DLG2: variants seen among roughly 807,000 people sequenced by gnomAD.
The protein encoded by DLG2 is discs large MAGUK scaffold protein 2.
In DLG2, 45 loss-of-function variants were observed where a neutral mutation model predicts 132.5. The ratio of observed to expected loss-of-function variants is 0.34; its 90% CI spans 0.27 to 0.44. The LOEUF (loss-of-function observed/expected upper bound fraction) is 0.44, where lower values mean the gene tolerates loss of function less well. Ranked by LOEUF, DLG2 falls within the 20% of genes least tolerant of loss-of-function variation. DLG2 has a pLI of 1.00. For missense variants in DLG2, 1,045 were observed against 1,196.9 expected (o/e 0.87, Z 1.87); for synonymous variants, 424 against 419.6 (o/e 1.01, Z -0.13).
intron 9 of DLG2, among the ~76,000 whole-genome samples, chr11:84,159,915 T>G (rs1596350617): frequency 6.6e-6 from 1 of 152,154 alleles, no homozygotes; most frequent in Non-Finnish European, 1.5e-5. Context: ...GCAAGACTTT[T>G]AGATTTTAGA....
rs1411117917 is a variant in DLG2, at chr11:83,972,156, AT to A, written c.1057-6689del. ...TAAATTTACTAGAAATAATATTCAT[AT>A]GTTAAACCTTGCTGTTTCTAGAAAC... On this transcript the variant is annotated intron_variant, in intron 12 of 27. Transcript: ENST00000376104. Among the ~76,000 whole-genome samples the A allele has an allele frequency of 2.0e-5, 3 of 152,176 alleles. No homozygotes were observed. The East Asian group carries it at 5.8e-4, about 29-fold the overall frequency.
intron 2 of DLG2, among the ~76,000 whole-genome samples, chr11:85,619,200 TA>T (rs1447045035): frequency 6.6e-6 from 1 of 152,062 alleles, no homozygotes; most frequent in Non-Finnish European, 1.5e-5. Context: ...TCTTTTAAAA[TA>T]AAAAAGATAT....
Position 83,633,245 on chromosome 11 carries a change from G to A in DLG2, c.1906C>T (p.Leu636=). 6.2e-7 allele frequency: 1 copy of A among 1,613,720 alleles called. No homozygotes were observed. Among genetic ancestry groups the A allele is most frequent in the Non-Finnish European group, 8.5e-7 (1 of 1,179,744 alleles). ...AGGGAGCGTTTCTGATTGGTTCGCA[G>A]GGATCCGGACCCGGAGCTCATGCTG... is the stretch of plus-strand genomic sequence containing the variant. The part of the protein sequence containing the change: ...NHSMSSGSGS[L]RTNQKRSLYV... Residue 636 remains leucine (L), a synonymous_variant, in exon 19 of 28, where the codon CTG becomes TTG. Coordinates refer to ENST00000376104, the MANE Select transcript of DLG2 (RefSeq NM_001142699.3).
chr11:85,453,745 G>C (rs759378985), intron 3 of DLG2: 1 of 152,138 alleles, frequency 6.6e-6, no homozygotes, highest in Non-Finnish European at 1.5e-5. Context: ...CCAGACACAG[G>C]AGTTTCATAC....
intron 6 of DLG2, among the ~76,000 whole-genome samples, chr11:84,728,639 T>G (rs2062787767): frequency 6.6e-6 from 1 of 152,204 alleles, no homozygotes; most frequent in Non-Finnish European, 1.5e-5. Flanking sequence ...CTTTTTCTAT[T>G]GTTTGGAATA....
At chr11:84,245,051 A>G (rs1341343003) in intron 8 of DLG2, among the ~76,000 whole-genome samples, 2 of 152,222 alleles carry the variant, frequency 1.3e-5, no homozygotes, top group East Asian at 3.9e-4. Context: ...TCTTGTCCTC[A>G]GCTTCCTGAT....
intron 2 of DLG2, among the ~76,000 whole-genome samples, chr11:85,608,958 T>C (rs977415918): frequency 1.3e-5 from 2 of 152,160 alleles, no homozygotes; most frequent in African/African-American, 4.8e-5. Context: ...AAGTAAATGA[T>C]AGAATGACAG....
chr11:85,305,357 C>T (rs751074587), intron 3 of DLG2, among the ~76,000 whole-genome samples: 3 of 152,168 alleles, frequency 2.0e-5, no homozygotes, highest in Admixed American at 6.5e-5. Flanking sequence ...GTTCTCTTTA[C>T]CATAGCCTGT....
intron 18 of DLG2, among the ~76,000 whole-genome samples, chr11:83,758,737 A>G (rs1002188144): frequency 1.3e-5 from 2 of 152,152 alleles, no homozygotes; most frequent in Admixed American, 1.3e-4. Context: ...GTAACTTAAA[A>G]ATAATTAAAT....
intron 7 of DLG2, among the ~76,000 whole-genome samples, chr11:84,417,420 T>C (rs1473292821): frequency 2.0e-5 from 3 of 152,150 alleles, no homozygotes; most frequent in African/African-American, 7.2e-5. Context: ...TTCCTTCCCT[T>C]TTCTCCTTGT....
chr11:84,215,385 C>T (rs1394850043), intron 8 of DLG2, among the ~76,000 whole-genome samples: 2 of 152,016 alleles, frequency 1.3e-5, no homozygotes, highest in Non-Finnish European at 2.9e-5. Context: ...CTAGGTTACA[C>T]TGTTGAGCAA....
rs1037360198 is a variant in DLG2 at position 85,316,409 on chromosome 11, A to G, written c.41-31044T>C. Among the ~76,000 whole-genome samples the G allele has an allele frequency of 2.0e-5, 3 of 152,032 alleles. No homozygotes were observed. The East Asian group carries it at 5.8e-4, about 29-fold the overall frequency. On this transcript the variant is annotated intron_variant, in intron 3 of 27. Transcript: ENST00000376104. ...AAAGACAAGACTTATATTTTTAAATATCTGGTACTATCTCCTACCAAGTGG... is the reference window on the plus strand; with the variant it reads ...AAAGACAAGACTTATATTTTTAAATGTCTGGTACTATCTCCTACCAAGTGG...
chr11:84,737,987 T>C (rs188148945), intron 6 of DLG2, among the ~76,000 whole-genome samples: 89 of 152,144 alleles, frequency 5.8e-4, no homozygotes, highest in African/African-American at 2.1e-3. Flanking sequence ...TATTTGTTTG[T>C]TTTGCTTGCA....
rs74583021 is a variant in DLG2, at chr11:83,713,114, C to T, written c.1825+73576G>A. On this transcript the variant is annotated intron_variant, in intron 18 of 27. Transcript: ENST00000376104. ...TCATATTAGTTACACAGTGCTTTCACATGTTTTCCTCCTTTAATCTTTTTA... is the reference window on the plus strand; with the variant it reads ...TCATATTAGTTACACAGTGCTTTCATATGTTTTCCTCCTTTAATCTTTTTA... Among the ~76,000 whole-genome samples the T allele has an allele frequency of 1.6e-3, 243 of 152,220 alleles. 1 individual carries two copies. Among genetic ancestry groups the T allele is most frequent in the African/African-American group, 5.6e-3 (231 of 41,528 alleles).
At chr11:84,000,641 A>G (rs1280045161) in intron 11 of DLG2, among the ~76,000 whole-genome samples, 2 of 152,134 alleles carry the variant, frequency 1.3e-5, no homozygotes, top group Non-Finnish European at 2.9e-5. Flanking sequence ...CTACAAGGGA[A>G]TCTCCACTAG....
chr11:84,308,914 T>A (rs2098259580), intron 7 of DLG2, among the ~76,000 whole-genome samples: 2 of 151,946 alleles, frequency 1.3e-5, no homozygotes, highest in Admixed American at 1.3e-4. Flanking sequence ...CGCCCGCGCC[T>A]CTCCCTCCAC....
intron 4 of DLG2, among the ~76,000 whole-genome samples, chr11:85,169,213 T>G (rs967018313): frequency 6.6e-6 from 1 of 152,188 alleles, no homozygotes; most frequent in Non-Finnish European, 1.5e-5. Flanking sequence ...TTATTTTTAT[T>G]GTCTTTTAAT....
intron 3 of DLG2, among the ~76,000 whole-genome samples, chr11:85,344,146 C>T (rs981030112): frequency 2.0e-5 from 3 of 152,146 alleles, no homozygotes. Context: ...CCTCTGTCCA[C>T]CTATAAAATG....
chr11:83,637,130 G>A (rs541281322), intron 18 of DLG2, among the ~76,000 whole-genome samples: 8 of 152,220 alleles, frequency 5.3e-5, no homozygotes, highest in African/African-American at 1.7e-4. Flanking sequence ...TACACAAATT[G>A]TGAAATATAA....
Sources: gnomAD v4.1 joint callset for allele counts (sites outside exome capture counted in the v4.1 genomes callset) on GRCh38, gnomAD v4.1.1 for gene constraint, MANE v1.5 for transcripts, NCBI Gene and HGNC (gene_info 2026-07-23, HGNC 2026-07-21) for gene names.